ZNF578: variants seen among roughly 807,000 people sequenced by gnomAD.
ZNF578 encodes zinc finger protein 578.
A neutral mutation model predicts 8.3 loss-of-function variants in ZNF578; 8 were observed. The ratio of observed to expected loss-of-function variants is 0.96; its 90% confidence interval spans 0.56 to 1.74. The LOEUF (loss-of-function observed/expected upper bound fraction) is 1.74. ZNF578 is among the 40% of genes most tolerant of loss of function. The pLI is 0.00. For missense variants in ZNF578, 726 were observed against 707.5 expected (o/e 1.03, Z -0.30); for synonymous variants, 206 against 232.2 (o/e 0.89, Z 1.03).
intron 3 of ZNF578, among the ~76,000 whole-genome samples, chr19:52,495,267 C>G (rs371570989): frequency 9.8e-5 from 14 of 143,388 alleles, no homozygotes; most frequent in African/African-American, 3.6e-4. Context: ...AGAGTTGAAG[C>G]GATTCTCCTG....
At chr19:52,471,649 A>C (rs994041019) in intron 2 of ZNF578, among the ~76,000 whole-genome samples, 4 of 152,150 alleles carry the variant, frequency 2.6e-5, no homozygotes, top group African/African-American at 9.7e-5. Flanking sequence ...CTGAAGCTGC[A>C]TTTGAACCAG....
At chr19:52,493,394 C>CCAGGGGCTTGTCCTTTGACACCGGGTATT (rs2059373622) in intron 3 of ZNF578, among the ~76,000 whole-genome samples, 1 of 152,164 alleles carries the variant, frequency 6.6e-6, no homozygotes, top group Non-Finnish European at 1.5e-5. Flanking sequence ...TGGGCAGGTC[C>CCAGGGGCTTGTCCTTTGACACCGGGTATT]CAGGGGCTTG....
chr19:52,513,399 A>T lies in ZNF578; in HGVS notation c.*1245A>T, dbSNP rs73584874. On this transcript the variant is annotated 3_prime_UTR_variant, in exon 6 of 6. Transcript: ENST00000421239. ...TTTAAAGAGATAGTACTTTTTTGAG[A>T]TAGTACTTTTTTAAAGGGATATACC... Among the ~76,000 whole-genome samples the T allele has an allele frequency of 9.0e-3, 1,034 of 115,150 alleles. 14 individuals are homozygous for T. Among genetic ancestry groups the T allele is most frequent in the African/African-American group, 0.03 (958 of 31,750 alleles). The allele number at this position is 115,150 out of a possible 152,430, so 75.5% of individuals were successfully genotyped here. A position where few individuals can be genotyped will look rare whatever the true frequency, so the allele number is the denominator to read the frequency against.
intron 3 of ZNF578, among the ~76,000 whole-genome samples, chr19:52,491,655 C>T (rs2059365310): frequency 6.6e-6 from 1 of 151,920 alleles, no homozygotes; most frequent in South Asian, 2.1e-4. Flanking sequence ...GCAGAGGCTG[C>T]AGTGAGCCAC....
At chr19:52,501,802 A>G (rs561802948) in intron 3 of ZNF578, 25 bp from the exon 4 acceptor site, 5 of 1,608,926 alleles carry the variant, frequency 3.1e-6, no homozygotes, top group Admixed American at 1.7e-5. Flanking sequence ...TCTAACCTGA[A>G]GTCTTATTTT....
At chr19:52,492,085 A>G (rs534151169) in intron 3 of ZNF578, among the ~76,000 whole-genome samples, 1 of 143,930 alleles carries the variant, frequency 6.9e-6, no homozygotes, top group East Asian at 2.2e-4. Context: ...GTGAACCCGG[A>G]AGTTGGAGCT....
chr19:52,482,313 C>T (rs973151341), intron 2 of ZNF578, among the ~76,000 whole-genome samples: 1 of 151,892 alleles, frequency 6.6e-6, no homozygotes, highest in Non-Finnish European at 1.5e-5. Flanking sequence ...GGATTACAGG[C>T]GTAAGCCACC....
intron 3 of ZNF578, among the ~76,000 whole-genome samples, chr19:52,501,299 T>C (rs2059406330): frequency 6.6e-6 from 1 of 152,218 alleles, no homozygotes; most frequent in Non-Finnish European, 1.5e-5. Flanking sequence ...TGAGTGGAGC[T>C]CAACCCTGGC....
intron 2 of ZNF578, among the ~76,000 whole-genome samples, chr19:52,484,337 TATCTC>T (rs2059337389): frequency 6.6e-6 from 1 of 152,202 alleles, no homozygotes; most frequent in Non-Finnish European, 1.5e-5. Context: ...GCCTTCCTCT[TATCTC>T]AACTGCAAAG....
chr19:52,514,114 C>A lies in ZNF578; in HGVS notation c.*1960C>A, dbSNP rs936738619. On this transcript the variant is annotated 3_prime_UTR_variant, in exon 6 of 6. Coordinates refer to ENST00000421239, the MANE Select transcript of ZNF578 (RefSeq NM_001099694.2). ...CTTTTTTTTCCTTCTGGTTCCTCTT[C>A]AGTTCTCTATTTATTTTTTCTTTTT... 7.2e-5 allele frequency among the ~76,000 whole-genome samples: 11 copies of A among 151,748 alleles called. No homozygotes were observed. Among genetic ancestry groups the A allele is most frequent in the African/African-American group, 2.7e-4 (11 of 41,308 alleles).
intron 5 of ZNF578, among the ~76,000 whole-genome samples, chr19:52,505,571 G>A (rs1173781925): frequency 6.6e-6 from 1 of 151,938 alleles, no homozygotes; most frequent in Non-Finnish European, 1.5e-5. Context: ...ACAGGTGCCC[G>A]CCACCATGCC....
chr19:52,501,662 A>G (rs375141591), intron 3 of ZNF578, among the ~76,000 whole-genome samples, 165 bp from the exon 4 acceptor site: 5 of 152,068 alleles, frequency 3.3e-5, no homozygotes, highest in East Asian at 1.9e-4. Flanking sequence ...ACATACACTT[A>G]TAGGTCTTCC....
intron 2 of ZNF578, among the ~76,000 whole-genome samples, chr19:52,475,458 G>A (rs1044134547): frequency 6.6e-6 from 1 of 151,432 alleles, no homozygotes; most frequent in Non-Finnish European, 1.5e-5. Context: ...CTGGGTTCAA[G>A]CAGTTCTCCT....
At chr19:52,458,920 G>A (rs1373597691) in intron 2 of ZNF578, 2 of 152,084 alleles carry the variant, frequency 1.3e-5, no homozygotes, top group African/African-American at 4.8e-5. Context: ...TGTCATAAGA[G>A]GTTCTTACAT....
At chr19:52,487,884 G>A (rs1305818977) in intron 2 of ZNF578, among the ~76,000 whole-genome samples, 3 of 151,368 alleles carry the variant, frequency 2.0e-5, no homozygotes, top group Non-Finnish European at 2.9e-5. Context: ...GGATCCTCCT[G>A]CCTTGGCCTC....
At chr19:52,483,283 C>T (rs1373429079) in intron 2 of ZNF578, among the ~76,000 whole-genome samples, 3 of 151,794 alleles carry the variant, frequency 2.0e-5, no homozygotes, top group African/African-American at 4.8e-5. Context: ...GGTGTGGTGG[C>T]GCATGCCTGT....
chr19:52,505,150 G>A lies in ZNF578; in HGVS notation c.190+369G>A, dbSNP rs556622652. On this transcript the variant is annotated intron_variant, in intron 5 of 5. Coordinates refer to ENST00000421239, the MANE Select transcript of ZNF578 (RefSeq NM_001099694.2). ...GATCCGCCCACCTTGGCCTCCCAAA[G>A]TGCTGGGATTACAGGCGTGAGCCAC... Among the ~76,000 whole-genome samples the A allele has an allele frequency of 5.3e-5, 8 of 152,326 alleles. No individual in the cohort carries two copies. The East Asian group carries it at 5.8e-4, about 11-fold the overall frequency.
intron 3 of ZNF578, among the ~76,000 whole-genome samples, chr19:52,494,522 T>C (rs1184872599): frequency 6.6e-6 from 1 of 152,200 alleles, no homozygotes. Flanking sequence ...TTGGGGACTT[T>C]GGATACAGAT....
intron 2 of ZNF578, among the ~76,000 whole-genome samples, chr19:52,471,275 G>A (rs889141868): frequency 2.6e-5 from 4 of 152,138 alleles, no homozygotes; most frequent in Non-Finnish European, 4.4e-5. Flanking sequence ...GGCTTCCCTG[G>A]TTCAGAGACT....
Sources: allele counts gnomAD v4.1 joint callset (sites outside exome capture counted in the v4.1 genomes callset), GRCh38; gene constraint gnomAD v4.1.1; transcripts MANE v1.5; gene names NCBI Gene and HGNC (gene_info 2026-07-23, HGNC 2026-07-21).